The following RGSL1 variants were observed in gnomAD, a reference collection of about 807,000 sequenced individuals.
The protein encoded by RGSL1 is regulator of G protein signaling protein-like.
In RGSL1, 97 loss-of-function variants were observed where a neutral mutation model predicts 124.7. The observed-to-expected ratio is 0.78, with a 90% confidence interval of 0.66 to 0.92. The LOEUF is 0.92. RGSL1 is among the 40% of genes least tolerant of loss of function. RGSL1 has a pLI of 0.00. For missense variants in RGSL1, 1,233 were observed against 1,288.4 expected, an observed-to-expected ratio of 0.96 and a Z score of 0.66; for synonymous variants, 424 against 438.1, an observed-to-expected ratio of 0.97 and a Z score of 0.40.
chr1:182,509,738 C>A (rs555047551), intron 9 of RGSL1, among the ~76,000 whole-genome samples: 2,082 of 136,522 alleles, frequency 0.015, 50 homozygotes, highest in African/African-American at 0.055. Context: ...ACCTCCCTCC[C>A]GGATGGCACG....
intron 15 of RGSL1, among the ~76,000 whole-genome samples, chr1:182,544,846 C>T (rs1483397187): frequency 6.6e-6 from 1 of 151,960 alleles, no homozygotes; most frequent in Non-Finnish European, 1.5e-5. Context: ...CATAGAATAT[C>T]TTTTTCCATC....
At chr1:182,482,563 G>A (rs1163632055) in intron 6 of RGSL1, among the ~76,000 whole-genome samples, 1 of 152,150 alleles carries the variant, frequency 6.6e-6, no homozygotes, top group African/African-American at 2.4e-5. Context: ...ATTCAGTAAA[G>A]TTGCAGGATA....
intron 9 of RGSL1, among the ~76,000 whole-genome samples, chr1:182,516,751 C>T (rs1017007219): frequency 2.0e-5 from 3 of 151,992 alleles, no homozygotes; most frequent in African/African-American, 4.8e-5. Flanking sequence ...TTAACTCCAC[C>T]CCTCCCACAG....
rs960474671 is a variant in RGSL1 at position 182,492,921 on chromosome 1, G to A, written c.1718-101G>A. 1.2e-4 allele frequency: 93 copies of A among 790,752 alleles called. 1 individual carries two copies. Among genetic ancestry groups the A allele is most frequent in the African/African-American group, 1.6e-4 (9 of 57,746 alleles). 49.0% of individuals were successfully genotyped at this position (790,752 alleles called of 1,614,324 possible). Reference sequence around the variant, plus strand: ...TGGGATTACAAACGTGAGCCACTGCGCCCAGCATTTTAAAGGCAATACCTT... The same window carrying A: ...TGGGATTACAAACGTGAGCCACTGCACCCAGCATTTTAAAGGCAATACCTT... On this transcript the variant is annotated intron_variant, in intron 8 of 21. Coordinates refer to ENST00000294854, the MANE Select transcript of RGSL1 (RefSeq NM_001137669.2).
In RGSL1 at chr1:182,473,606, C is replaced by T. The variant is rs1654026272; in HGVS notation, c.495C>T (p.Pro165=). The change falls in exon 6 of 22, where the codon CCC becomes CCT. Residue 165 remains proline, a synonymous_variant. Coordinates refer to ENST00000294854, the MANE Select transcript of RGSL1 (RefSeq NM_001137669.2). ...KSLLNLSIWH[P]NQSTTRREIL... ...TCCTGAACCTCTCCATCTGGCATCC[C>T]AACCAATCAACCACTAGGAGGGAGA... The T allele has an allele frequency of 6.5e-7, 1 of 1,549,272 alleles. No individual in the cohort carries two copies. The highest frequency in any genetic ancestry group is 8.7e-7 in the Non-Finnish European group (1 of 1,145,788).
At chr1:182,558,858 C>T (rs529794911) in intron 21 of RGSL1, among the ~76,000 whole-genome samples, 5 of 152,006 alleles carry the variant, frequency 3.3e-5, no homozygotes, top group South Asian at 2.1e-4. Context: ...TTAATTCCAC[C>T]CACCAAATTC....
chr1:182,528,198 T>C (rs1658897511), intron 11 of RGSL1, among the ~76,000 whole-genome samples: 1 of 152,048 alleles, frequency 6.6e-6, no homozygotes, highest in African/African-American at 2.4e-5. Context: ...TCACTCACTA[T>C]CATGAGAACA....
At chr1:182,530,444 A>G (rs767797216) in intron 12 of RGSL1, 83 bp downstream of exon 12, 1 of 1,056,058 alleles carries the variant, frequency 9.5e-7, no homozygotes, top group Non-Finnish European at 1.4e-6. Context: ...GGGTTTCCTA[A>G]TCCATTTTCA....
intron 6 of RGSL1, among the ~76,000 whole-genome samples, chr1:182,485,358 G>T (rs1655023748): frequency 6.6e-6 from 1 of 152,074 alleles, no homozygotes; most frequent in Non-Finnish European, 1.5e-5. Context: ...ACTTTTATTA[G>T]AATGTAGTTA....
At chr1:182,552,440 G>A (rs1660623912) in intron 18 of RGSL1, among the ~76,000 whole-genome samples, 1 of 152,192 alleles carries the variant, frequency 6.6e-6, no homozygotes, top group Admixed American at 6.5e-5. Flanking sequence ...CAAGGAAGAG[G>A]TTGGTGAACA....
intron 10 of RGSL1, among the ~76,000 whole-genome samples, chr1:182,524,290 AG>A (rs1658575771): frequency 5.4e-5 from 2 of 37,240 alleles, no homozygotes; most frequent in Non-Finnish European, 1.4e-4. Flanking sequence ...CAGAAATGAG[AG>A]TATATAAGGA....
In RGSL1 at chr1:182,534,555, C is replaced by T. The variant is rs549494636; in HGVS notation, c.2494+1764C>T. On this transcript the variant is annotated intron_variant, in intron 14 of 21. Transcript: ENST00000294854. ...AATAATAGTTCTAGCAGGCTGGGCA[C>T]GGTGGCTTACGCCTGTAATCTCAGT... is the stretch of plus-strand genomic sequence containing the variant. Among the ~76,000 whole-genome samples the T allele has an allele frequency of 1.8e-4, 27 of 152,272 alleles. No individual in the cohort carries two copies. The East Asian group carries it at 1.9e-3, about 11-fold the overall frequency.
chr1:182,553,529 T>C lies in RGSL1; in HGVS notation c.3118T>C (p.Ser1040Pro), dbSNP rs1235616586. ...WLQPQREAIS[S>P]VQNSSSSKLT... ...GCAGCCTCAACGGGAAGCAATAAGTTCAGTTCAAAATTGTGAGTTGGAATT... is the reference window on the plus strand; with the variant it reads ...GCAGCCTCAACGGGAAGCAATAAGTCCAGTTCAAAATTGTGAGTTGGAATT... Residue 1040 changes from serine (S) to proline (P), a missense_variant, in exon 19 of 22, where the codon TCA becomes CCA. Physicochemically the swap from Ser to Pro is moderately conservative, Grantham distance 74. Transcript: ENST00000294854. 11 of 1,551,846 alleles carry C rather than the reference T, an allele frequency of 7.1e-6. No homozygotes were observed. Among genetic ancestry groups the C allele is most frequent in the African/African-American group, 2.7e-5 (2 of 73,144 alleles).
chr1:182,548,593 C>T (rs957618623), intron 16 of RGSL1, 107 bp from the exon 17 acceptor site: 27 of 1,513,708 alleles, frequency 1.8e-5, no homozygotes, highest in East Asian at 4.9e-5. Flanking sequence ...CCATGAAAAC[C>T]GTATGCCTTT....
intron 6 of RGSL1, among the ~76,000 whole-genome samples, chr1:182,487,495 A>G (rs1454443498): frequency 6.6e-6 from 1 of 152,180 alleles, no homozygotes; most frequent in Non-Finnish European, 1.5e-5. Flanking sequence ...TTTCTACTGC[A>G]TGGCATGATC....
chr1:182,545,911 T>C (rs10797784), intron 15 of RGSL1, among the ~76,000 whole-genome samples: 78,968 of 151,400 alleles, frequency 0.52, 20,750 homozygotes, highest in Non-Finnish European at 0.55. Flanking sequence ...TTGGGTCAAA[T>C]TTATTTAATG....
chr1:182,531,683 C>T (rs184505897), intron 13 of RGSL1, among the ~76,000 whole-genome samples: 4 of 152,224 alleles, frequency 2.6e-5, no homozygotes, highest in Non-Finnish European at 5.9e-5. Context: ...CAGGGCACCA[C>T]GAATGGTCAT....
At chr1:182,501,809 G>A (rs936700331) in intron 9 of RGSL1, among the ~76,000 whole-genome samples, 7 of 152,084 alleles carry the variant, frequency 4.6e-5, no homozygotes, top group Non-Finnish European at 8.8e-5. Context: ...TATTTTGGCC[G>A]AGTTTAAGAA....
At chr1:182,520,691 CTTTGT>C (rs907366365) in intron 9 of RGSL1, among the ~76,000 whole-genome samples, 20 of 152,014 alleles carry the variant, frequency 1.3e-4, no homozygotes, top group African/African-American at 4.8e-4. Flanking sequence ...TTTTGTTTTG[CTTTGT>C]TTTGTTTATT....
Sources: gnomAD v4.1 joint callset for allele counts (sites outside exome capture counted in the v4.1 genomes callset) on GRCh38, gnomAD v4.1.1 for gene constraint, MANE v1.5 for transcripts, NCBI Gene and HGNC (gene_info 2026-07-23, HGNC 2026-07-21) for gene names.